The following RBFOX1 variants were observed in gnomAD, a reference collection of about 807,000 sequenced individuals.
RBFOX1 encodes the protein RNA binding protein fox-1 homolog 1.
Under a neutral mutation model 57.7 loss-of-function variants are expected in RBFOX1, and 8 were observed. The observed-to-expected ratio is 0.14, with a 90% confidence interval of 0.08 to 0.25. The LOEUF (loss-of-function observed/expected upper bound fraction) is 0.25, where lower values mean the gene tolerates loss of function less well. Ranked by LOEUF, RBFOX1 falls within the 10% of genes least tolerant of loss-of-function variation. The pLI is 1.00. For synonymous variants in RBFOX1, 326 were observed against 222.4 expected (o/e 1.47, Z -4.15); for missense variants, 611 against 548.5 (o/e 1.11, Z -1.14).
intron 1 of RBFOX1, among the ~76,000 whole-genome samples, chr16:6,308,925 A>C (rs967134933): frequency 1.3e-5 from 2 of 152,058 alleles, no homozygotes; most frequent in African/African-American, 4.8e-5. Context: ...GCACATTTTA[A>C]GTGCCTTGTC....
chr16:5,481,676 G>T (rs1597241748), intron 2 of RBFOX1, among the ~76,000 whole-genome samples: 1 of 152,320 alleles, frequency 6.6e-6, no homozygotes. Flanking sequence ...GTTTGCGAGG[G>T]CTGCCATCCC....
chr16:7,606,513 A>G (rs571907245), intron 9 of RBFOX1, among the ~76,000 whole-genome samples: 4 of 152,320 alleles, frequency 2.6e-5, no homozygotes, highest in African/African-American at 9.6e-5. Flanking sequence ...TTGTTCCCCT[A>G]AATAATGCCC....
chr16:5,906,241 C>CT (rs1220498866), intron 4 of RBFOX1, among the ~76,000 whole-genome samples: 1 of 152,126 alleles, frequency 6.6e-6, no homozygotes, highest in Non-Finnish European at 1.5e-5. Flanking sequence ...ATTAGTTAAG[C>CT]TGAGGTCATC....
intron 3 of RBFOX1, among the ~76,000 whole-genome samples, chr16:5,756,824 A>G (rs977473827): frequency 1.3e-5 from 2 of 152,208 alleles, no homozygotes; most frequent in Admixed American, 1.3e-4. Context: ...GGACTTCTCA[A>G]TAATACAGCT....
At chr16:5,393,847 C>T (rs1177587145) in intron 1 of RBFOX1, among the ~76,000 whole-genome samples, 1 of 152,138 alleles carries the variant, frequency 6.6e-6, no homozygotes, top group African/African-American at 2.4e-5. Flanking sequence ...CAAATAGAAG[C>T]CCCACACCCA....
chr16:6,490,732 C>A (rs12932983), intron 2 of RBFOX1, among the ~76,000 whole-genome samples: 1 of 152,152 alleles, frequency 6.6e-6, no homozygotes, highest in South Asian at 2.1e-4. Context: ...GTTGAGCTAC[C>A]TCCTCCCAGC....
intron 2 of RBFOX1, among the ~76,000 whole-genome samples, chr16:6,515,611 C>G (rs968056783): frequency 2.0e-5 from 3 of 152,068 alleles, no homozygotes; most frequent in Non-Finnish European, 4.4e-5. Context: ...GATCAAAATC[C>G]TTCCATTATT....
chr16:6,320,625 C>A (rs12597219), intron 2 of RBFOX1, among the ~76,000 whole-genome samples: 23,602 of 151,958 alleles, frequency 0.16, 2,246 homozygotes, highest in South Asian at 0.27. Context: ...ACATAGTTAA[C>A]CCTGCTAAGA....
chr16:6,305,265 G>A lies in RBFOX1; in HGVS notation c.-126-11730G>A, dbSNP rs530404225. Among the ~76,000 whole-genome samples the A allele has an allele frequency of 2.6e-5, 4 of 152,276 alleles. No individual in the cohort carries two copies. The South Asian group carries it at 6.2e-4, about 24-fold the overall frequency. On this transcript the variant is annotated intron_variant, in intron 1 of 15. Coordinates refer to ENST00000550418, the MANE Select transcript of RBFOX1 (RefSeq NM_018723.4). ...AGTTGTGGCTTCTCAGTGAGAACAC[G>A]TACCAATACTAACCCTCTCTGAACA...
chr16:6,926,214 G>T (rs1357861313), intron 3 of RBFOX1, among the ~76,000 whole-genome samples: 1 of 152,194 alleles, frequency 6.6e-6, no homozygotes, highest in African/African-American at 2.4e-5. Flanking sequence ...GGCTGAGGCA[G>T]GAGACTCCCT....
intron 2 of RBFOX1, among the ~76,000 whole-genome samples, chr16:6,585,323 C>T (rs1186618034): frequency 6.6e-6 from 1 of 152,176 alleles, no homozygotes; most frequent in Non-Finnish European, 1.5e-5. Context: ...ATTGTCATTA[C>T]ACACATTTAT....
chr16:6,541,975 C>G (rs889965942), intron 2 of RBFOX1, among the ~76,000 whole-genome samples: 8 of 151,430 alleles, frequency 5.3e-5, no homozygotes, highest in Non-Finnish European at 1.2e-4. Flanking sequence ...GAGATTAGGT[C>G]TCACTCTGTC....
intron 1 of RBFOX1, among the ~76,000 whole-genome samples, chr16:6,055,752 A>G (rs2095607450): frequency 6.6e-6 from 1 of 152,170 alleles, no homozygotes; most frequent in East Asian, 1.9e-4. Flanking sequence ...ACAAAGCTGG[A>G]GCAAGGGAAT....
chr16:6,778,587 T>G (rs897550363), intron 3 of RBFOX1, among the ~76,000 whole-genome samples: 1 of 152,144 alleles, frequency 6.6e-6, no homozygotes, highest in Non-Finnish European at 1.5e-5. Context: ...TTCCTTGAAC[T>G]GAAATCCAAA....
At chr16:5,621,106 C>T (rs1041139004) in intron 3 of RBFOX1, among the ~76,000 whole-genome samples, 1 of 152,182 alleles carries the variant, frequency 6.6e-6, no homozygotes, top group Non-Finnish European at 1.5e-5. Flanking sequence ...TCCCAAAGTG[C>T]TGGGATTACA....
chr16:6,274,457 T>C (rs1226208934), intron 1 of RBFOX1, among the ~76,000 whole-genome samples: 2 of 152,108 alleles, frequency 1.3e-5, no homozygotes, highest in East Asian at 1.9e-4. Flanking sequence ...AAAATTCCAA[T>C]TTATGTAAAA....
At chr16:5,518,470 A>G (rs1470765374) in intron 2 of RBFOX1, among the ~76,000 whole-genome samples, 3 of 152,252 alleles carry the variant, frequency 2.0e-5, no homozygotes, top group South Asian at 2.1e-4. Context: ...GAGATTGTAA[A>G]TACAACCATA....
rs138214593 is a variant in RBFOX1, at chr16:5,558,708, C to G, written c.259-40194C>G. 2.8e-4 allele frequency among the ~76,000 whole-genome samples: 42 copies of G among 152,250 alleles called. 1 individual carries two copies. The East Asian group carries it at 8.0e-3, about 29-fold the overall frequency. On this transcript the variant is annotated intron_variant, in intron 2 of 2. Coordinates refer to the RBFOX1 transcript ENST00000585867. The stretch of plus-strand genomic sequence containing the variant: ...TCTTGTGTGGGGTGGGACCCTGAGA[C>G]TGTCAGCCCCCTCAGAGTGCAGAGG...
intron 3 of RBFOX1, among the ~76,000 whole-genome samples, chr16:6,902,232 C>T (rs939917641): frequency 7.9e-5 from 12 of 152,136 alleles, no homozygotes; most frequent in Non-Finnish European, 1.6e-4. Context: ...TGTGGAATTA[C>T]ATGTAACTCA....
Sources: gnomAD v4.1 joint callset for allele counts (sites outside exome capture counted in the v4.1 genomes callset) on GRCh38, gnomAD v4.1.1 for gene constraint, MANE v1.5 for transcripts, NCBI Gene and HGNC (gene_info 2026-07-23, HGNC 2026-07-21) for gene names.